Variants in ATP11C observed in about 807,000 individuals in gnomAD.
ATP11C encodes phospholipid-transporting ATPase IG.
In ATP11C, 36 loss-of-function variants were observed where a neutral mutation model predicts 97.4. The ratio of observed to expected loss-of-function variants is 0.37; its 90% CI spans 0.28 to 0.49. The LOEUF is 0.49. Among genes scored for constraint, ATP11C ranks in the 20% least tolerant of loss-of-function variants. The probability of loss-of-function intolerance (pLI) is 0.98; values close to 1 mark genes in which losing one functional copy is unlikely to be tolerated. For synonymous variants in ATP11C, 275 were observed against 290.9 expected (o/e 0.95, Z 0.56); for missense variants, 730 against 824.6 (o/e 0.89, Z 1.40).
intron 24 of ATP11C, among the ~76,000 whole-genome samples, chrX:139,746,299 G>A (rs1157091030): frequency 1.8e-5 from 2 of 111,693 alleles, no homozygotes; most frequent in Non-Finnish European, 3.8e-5. Flanking sequence ...ATCCCCTGAG[G>A]ATCATTAAAA....
intron 1 of ATP11C, among the ~76,000 whole-genome samples, chrX:139,880,710 C>T (rs2084548265): frequency 8.9e-6 from 1 of 111,815 alleles, no homozygotes; most frequent in African/African-American, 3.3e-5. Flanking sequence ...GGGGATACAT[C>T]ATGCACTCGC....
At chrX:139,797,033 A>T in intron 11 of ATP11C, 143 bp downstream of exon 11, 1 of 379,899 alleles carries the variant, frequency 2.6e-6, no homozygotes, top group Non-Finnish European at 4.3e-6. Context: ...AAATCTTCTT[A>T]AATATTTATT....
intron 1 of ATP11C, among the ~76,000 whole-genome samples, chrX:139,834,569 G>A (rs1159672803): frequency 8.9e-6 from 1 of 112,193 alleles, no homozygotes; most frequent in Non-Finnish European, 1.9e-5. Flanking sequence ...AAATTAGCAA[G>A]ACGTTTGAAA....
At chrX:139,858,570 T>C (rs1047140509) in intron 1 of ATP11C, among the ~76,000 whole-genome samples, 4 of 112,256 alleles carry the variant, frequency 3.6e-5, no homozygotes, top group Admixed American at 1.9e-4. Flanking sequence ...ACATGCAATA[T>C]AAGAATAATA....
At chrX:139,742,149 G>A (rs1410293689) in intron 26 of ATP11C, among the ~76,000 whole-genome samples, 1 of 111,438 alleles carries the variant, frequency 9.0e-6, no homozygotes, top group Non-Finnish European at 1.9e-5. Flanking sequence ...AAGGCCAGGG[G>A]AAAAAAGGAG....
Position 139,785,405 on chromosome X carries a change from C to G in ATP11C, c.1593-106G>C. 5.4e-6 allele frequency: 3 copies of G among 553,892 alleles called. No individual in the cohort carries two copies. The South Asian group carries it at 1.0e-4, about 19-fold the overall frequency. 45.6% of individuals were successfully genotyped at this position (553,892 alleles called of 1,213,427 possible). On this transcript the variant is annotated intron_variant, in intron 15 of 29. Transcript: ENST00000682941. ...AAACATCTTAAATCAACAGATAGCACTGGTTGTGTGCACAACTGGTACTTT... is the reference window on the plus strand; with the variant it reads ...AAACATCTTAAATCAACAGATAGCAGTGGTTGTGTGCACAACTGGTACTTT...
At chrX:139,851,320 G>A (rs1160046876) in intron 1 of ATP11C, among the ~76,000 whole-genome samples, 1 of 112,266 alleles carries the variant, frequency 8.9e-6, no homozygotes, top group Non-Finnish European at 1.9e-5. Context: ...AAACCTTGGT[G>A]GTGTCTACAT....
intron 19 of ATP11C, 87 bp downstream of exon 19, chrX:139,774,603 T>C (rs768399793): frequency 4.8e-5 from 40 of 834,735 alleles, no homozygotes; most frequent in East Asian, 9.7e-5. Context: ...AAATCATGCA[T>C]TACAGAAAAT....
chrX:139,796,524 A>G lies in ATP11C; in HGVS notation c.1009-54T>C. The stretch of plus-strand genomic sequence containing the variant: ...TTAGACATACAATTTCATCAGACCA[A>G]TATAATATAAAGGAAGAATTAATTT... On this transcript the variant is annotated intron_variant, in intron 11 of 29. Coordinates refer to ENST00000682941, the MANE Select transcript of ATP11C (RefSeq NM_001353812.2). 10 of 781,171 alleles carry G rather than the reference A, an allele frequency of 1.3e-5. No homozygotes were observed. The South Asian group carries it at 2.8e-4, about 22-fold the overall frequency. The allele number at this position is 781,171 out of a possible 1,213,427, so 64.4% of individuals were successfully genotyped here. A position where few individuals can be genotyped will look rare whatever the true frequency, so the allele number is the denominator to read the frequency against.
intron 1 of ATP11C, among the ~76,000 whole-genome samples, chrX:139,853,340 A>T (rs1031085809): frequency 9.3e-6 from 1 of 107,693 alleles, no homozygotes; most frequent in Admixed American, 1.0e-4. Flanking sequence ...GAGGGGAAAG[A>T]CAGAGAGAGG....
At chrX:139,933,303 G>C (rs1413839328), upstream of ATP11C, among the ~76,000 whole-genome samples, 1 of 45,324 alleles carries the variant, frequency 2.2e-5, no homozygotes, top group Non-Finnish European at 3.9e-5. Context: ...TGGGTGTGGA[G>C]GCCGGGCGCA....
chrX:139,730,854 G>A (rs903689643), intron 29 of ATP11C, among the ~76,000 whole-genome samples: 3 of 110,983 alleles, frequency 2.7e-5, no homozygotes, highest in Non-Finnish European at 5.7e-5. Context: ...AGGAAATACA[G>A]ACTATACATA....
chrX:139,845,034 T>C (rs755540000), intron 1 of ATP11C, among the ~76,000 whole-genome samples: 3 of 112,252 alleles, frequency 2.7e-5, no homozygotes, highest in East Asian at 5.6e-4. Flanking sequence ...GTGAGCAACA[T>C]TAGGTCCTGG....
chrX:139,845,463 G>A (rs951647057), intron 1 of ATP11C, among the ~76,000 whole-genome samples: 3 of 112,009 alleles, frequency 2.7e-5, no homozygotes, highest in African/African-American at 9.7e-5. Flanking sequence ...AAGTAAAGGG[G>A]AATATATGTA....
At chrX:139,920,716 AAGAG>A (rs1164108334) in intron 1 of ATP11C, among the ~76,000 whole-genome samples, 4 of 112,361 alleles carry the variant, frequency 3.6e-5, no homozygotes, top group African/African-American at 6.5e-5. Flanking sequence ...AAAAAAGTGA[AAGAG>A]AGAGAGCAAT....
chrX:139,795,527 T>G (rs1174853502), intron 12 of ATP11C, among the ~76,000 whole-genome samples: 2 of 111,270 alleles, frequency 1.8e-5, no homozygotes, highest in African/African-American at 6.5e-5. Flanking sequence ...CTAAATGTCA[T>G]GAGAATAAAA....
chrX:139,908,577 A>G (rs10126150), intron 1 of ATP11C, among the ~76,000 whole-genome samples: 1 of 111,979 alleles, frequency 8.9e-6, no homozygotes, highest in Non-Finnish European at 1.9e-5. Context: ...GAACTTCACT[A>G]AAGATGTTGC....
intron 15 of ATP11C, among the ~76,000 whole-genome samples, chrX:139,785,974 C>T (rs917133725): frequency 9.0e-6 from 1 of 111,001 alleles, no homozygotes; most frequent in African/African-American, 3.3e-5. Context: ...TTAAGTAGTT[C>T]ACCAATGCCC....
chrX:139,763,189 C>T lies in ATP11C; in HGVS notation c.2494+127G>A, dbSNP rs1444542662. 9.9e-5 allele frequency: 49 copies of T among 496,299 alleles called. No individual in the cohort carries two copies. The Middle Eastern group carries it at 1.4e-3, about 14-fold the overall frequency. 40.9% of individuals were successfully genotyped at this position (496,299 alleles called of 1,213,427 possible). Reference sequence around the variant, plus strand: ...TCAGATGAGGCCTCCATTTAATTAACAATTATCATTCCAAAATTCAAATTC... The same window carrying T: ...TCAGATGAGGCCTCCATTTAATTAATAATTATCATTCCAAAATTCAAATTC... On this transcript the variant is annotated intron_variant, in intron 21 of 29. Transcript: ENST00000682941.
Sources: gnomAD v4.1 joint callset for allele counts (sites outside exome capture counted in the v4.1 genomes callset) on GRCh38, gnomAD v4.1.1 for gene constraint, MANE v1.5 for transcripts, NCBI Gene and HGNC (gene_info 2026-07-23, HGNC 2026-07-21) for gene names.